Variants in MLLT3 observed in about 807,000 individuals in gnomAD.
MLLT3 encodes the protein MLLT3 super elongation complex subunit.
A neutral mutation model predicts 53.2 loss-of-function variants in MLLT3; 4 were observed. That is an observed-to-expected ratio of 0.08 (90% CI 0.04 to 0.17). The LOEUF is 0.17. Ranked by LOEUF, MLLT3 falls within the 10% of genes least tolerant of loss-of-function variation. MLLT3 has a pLI of 1.00. For missense variants in MLLT3, 569 were observed against 684.0 expected, an observed-to-expected ratio of 0.83 and a Z score of 1.87; for synonymous variants, 283 against 230.6, an observed-to-expected ratio of 1.23 and a Z score of -2.06.
At chr9:20,504,580 G>A (rs552453468) in intron 2 of MLLT3, among the ~76,000 whole-genome samples, 1 of 152,174 alleles carries the variant, frequency 6.6e-6, no homozygotes, top group East Asian at 1.9e-4. Context: ...AATGGTGGTG[G>A]GTGGGGGCAG....
At chr9:20,471,314 A>G (rs3934325) in intron 2 of MLLT3, among the ~76,000 whole-genome samples, 102,250 of 151,908 alleles carry the variant, frequency 0.67, 36,211 homozygotes, top group African/African-American at 0.89. Flanking sequence ...CAGTAATGCG[A>G]TGTTGAGTGA....
At chr9:20,536,912 T>C (rs1317062290) in intron 2 of MLLT3, among the ~76,000 whole-genome samples, 11 of 151,448 alleles carry the variant, frequency 7.3e-5, no homozygotes, top group Non-Finnish European at 1.2e-4. Context: ...ACTACATTTA[T>C]AGACAGCAGC....
At chr9:20,405,269 A>G (rs1009153787) in intron 5 of MLLT3, among the ~76,000 whole-genome samples, 7 of 152,242 alleles carry the variant, frequency 4.6e-5, no homozygotes, top group African/African-American at 1.2e-4. Context: ...GCCAGAGTCC[A>G]TTACTCACAC....
intron 2 of MLLT3, among the ~76,000 whole-genome samples, chr9:20,524,667 T>C (rs949502807): frequency 6.6e-6 from 1 of 152,124 alleles, no homozygotes; most frequent in East Asian, 1.9e-4. Context: ...GTAGCTGTCA[T>C]GAATGACCCA....
chr9:20,587,282 T>C (rs1298383063), intron 2 of MLLT3, among the ~76,000 whole-genome samples: 1 of 151,302 alleles, frequency 6.6e-6, no homozygotes, highest in Non-Finnish European at 1.5e-5. Context: ...AAATGACATA[T>C]CATATAATCT....
At chr9:20,461,815 T>C (rs1261113254) in intron 2 of MLLT3, among the ~76,000 whole-genome samples, 1 of 152,206 alleles carries the variant, frequency 6.6e-6, no homozygotes, top group Non-Finnish European at 1.5e-5. Context: ...GTTAAGAACA[T>C]GGCCCAGTTG....
chr9:20,369,223 A>T (rs1010756150), intron 5 of MLLT3, among the ~76,000 whole-genome samples: 2 of 152,160 alleles, frequency 1.3e-5, no homozygotes, highest in Non-Finnish European at 2.9e-5. Flanking sequence ...GGAGAAGCCT[A>T]TATATGAGGA....
At chr9:20,480,736 C>T (rs1360419916) in intron 2 of MLLT3, among the ~76,000 whole-genome samples, 1 of 152,116 alleles carries the variant, frequency 6.6e-6, no homozygotes, top group East Asian at 1.9e-4. Context: ...ACCGAACAAA[C>T]CTTTGTACAC....
chr9:20,590,446 C>A (rs995914318), intron 2 of MLLT3, among the ~76,000 whole-genome samples: 2 of 152,206 alleles, frequency 1.3e-5, no homozygotes, highest in East Asian at 3.9e-4. Context: ...GTTTCCCCCA[C>A]GCTGTTCTCA....
At chr9:20,447,975 C>T in intron 4 of MLLT3, 148 bp downstream of exon 4, 1 of 746,720 alleles carries the variant, frequency 1.3e-6, no homozygotes, top group South Asian at 2.3e-5. Context: ...ACACATGAAT[C>T]CACAGCTAAG....
chr9:20,525,200 G>C (rs151201323), intron 2 of MLLT3, among the ~76,000 whole-genome samples: 1 of 149,964 alleles, frequency 6.7e-6, no homozygotes, highest in Non-Finnish European at 1.5e-5. Context: ...TCTACAAACA[G>C]AAAGACAAAT....
intron 2 of MLLT3, among the ~76,000 whole-genome samples, chr9:20,549,467 C>T (rs375364709): frequency 8.3e-6 from 1 of 120,542 alleles, no homozygotes; most frequent in Admixed American, 8.9e-5. Flanking sequence ...CCATTTACTC[C>T]GTGCCAGGAA....
chr9:20,505,178 TGTCAAA>T (rs376930565), intron 2 of MLLT3, among the ~76,000 whole-genome samples: 57 of 152,290 alleles, frequency 3.7e-4, no homozygotes, highest in African/African-American at 1.0e-3. Flanking sequence ...GAGATGCATG[TGTCAAA>T]GTCAAATAGA....
At chr9:20,444,936 T>C (rs1385137686) in intron 4 of MLLT3, among the ~76,000 whole-genome samples, 1 of 151,786 alleles carries the variant, frequency 6.6e-6, no homozygotes, top group Non-Finnish European at 1.5e-5. Flanking sequence ...TACATTTTTT[T>C]TTTTAATTAG....
chr9:20,512,198 G>A (rs142362804), intron 2 of MLLT3, among the ~76,000 whole-genome samples: 36 of 152,294 alleles, frequency 2.4e-4, no homozygotes, highest in African/African-American at 7.7e-4. Flanking sequence ...TTTACGGACT[G>A]TGGAACAACA....
rs747781747 is a variant in MLLT3, at chr9:20,620,732, G to C, written c.115C>G (p.Pro39Ala). The change falls in exon 2 of 11, where the codon CCG becomes GCG. Residue 39 changes from proline (P) to alanine (A), a missense_variant. Physicochemically the swap from Pro to Ala is conservative, Grantham distance 27. Around this residue, in one of 5 missense-constraint regions of MLLT3, gnomAD observed 35 missense variants for 136.8 expected, o/e 0.26. Coordinates refer to ENST00000380338, the MANE Select transcript of MLLT3 (RefSeq NM_004529.4). The surrounding 1 kb of genome is among the most constrained non-coding windows in gnomAD (Gnocchi z 6.1). ...THDWMVFVRGPEHSNIQHFVE... is the reference protein window; with the variant it reads ...THDWMVFVRGAEHSNIQHFVE... ...AAGTGCTGTATGTTACTGTGCTCCG[G>C]ACCGCGTACGAACACCATCCAGTCG... is the stretch of plus-strand genomic sequence containing the variant. 3 of 1,614,072 alleles carry C rather than the reference G, an allele frequency of 1.9e-6. No individual in the cohort carries two copies. Among genetic ancestry groups the C allele is most frequent in the Admixed American group, 1.7e-5 (1 of 60,012 alleles).
In MLLT3 at chr9:20,514,939, ATTTT is replaced by A. The variant is rs35816235; in HGVS notation, c.194-58157_194-58154del. 0.012 allele frequency among the ~76,000 whole-genome samples: 1,101 copies of A among 88,762 alleles called. 13 individuals carry two copies. The East Asian group carries it at 0.13, about 10-fold the overall frequency. 58.2% of individuals were successfully genotyped at this position (88,762 alleles called of 152,430 possible). On this transcript the variant is annotated intron_variant, in intron 2 of 10. Coordinates refer to ENST00000380338, the MANE Select transcript of MLLT3 (RefSeq NM_004529.4). ...CAGTGTTTCTTACCTTGAAGGAACA[ATTTT>A]TTTTTTTTTTTTTTTTTTTTTGAGA...
intron 2 of MLLT3, among the ~76,000 whole-genome samples, chr9:20,461,769 T>A (rs1308414009): frequency 6.6e-6 from 1 of 152,138 alleles, no homozygotes; most frequent in African/African-American, 2.4e-5. Context: ...CCCTATTTGT[T>A]TTGATGCTAT....
chr9:20,577,945 A>C (rs1385745878), intron 2 of MLLT3, among the ~76,000 whole-genome samples: 2 of 152,196 alleles, frequency 1.3e-5, no homozygotes, highest in African/African-American at 2.4e-5. Flanking sequence ...CTAAAACCTG[A>C]TCCTCCAGTA....
Sources: gnomAD v4.1 joint callset for allele counts (sites outside exome capture counted in the v4.1 genomes callset) on GRCh38, gnomAD v4.1.1 for gene constraint, gnomAD v4.1.1 regional missense constraint, Gnocchi (gnomAD v3.1) non-coding constraint, MANE v1.5 for transcripts, NCBI Gene and HGNC (gene_info 2026-07-23, HGNC 2026-07-21) for gene names.